The following STK39 variants were observed in gnomAD, a reference collection of about 807,000 sequenced individuals.
The protein encoded by STK39 is serine/threonine kinase 39.
Under a neutral mutation model 77.8 loss-of-function variants are expected in STK39, and 20 were observed. The ratio of observed to expected loss-of-function variants is 0.26; its 90% confidence interval spans 0.18 to 0.37. STK39 has a LOEUF of 0.37. Ranked by LOEUF, STK39 falls within the 10% of genes least tolerant of loss-of-function variation. STK39 has a pLI of 1.00. For synonymous variants in STK39, 246 were observed against 234.1 expected, an observed-to-expected ratio of 1.05 and a Z score of -0.47; for missense variants, 479 against 656.5, an observed-to-expected ratio of 0.73 and a Z score of 2.95.
intron 16 of STK39, among the ~76,000 whole-genome samples, chr2:167,967,274 A>G (rs922654330): frequency 1.3e-5 from 2 of 152,150 alleles, no homozygotes; most frequent in Non-Finnish European, 2.9e-5. Flanking sequence ...TCTTTGAACT[A>G]GTCCCTCCCT....
At chr2:168,142,345 AG>A (rs1231079663) in intron 5 of STK39, among the ~76,000 whole-genome samples, 1 of 152,168 alleles carries the variant, frequency 6.6e-6, no homozygotes, top group African/African-American at 2.4e-5. Flanking sequence ...ATTTCTAAAA[AG>A]AAGTTCAACG....
rs1034313302 is a variant in STK39 at position 167,954,786 on chromosome 2, A to C, written c.*710T>G. On this transcript the variant is annotated 3_prime_UTR_variant, in exon 18 of 18. Transcript: ENST00000355999. ...AGGCAAACAGACTAAAAGAATAAGC[A>C]TCCAAATTCCTAATTCAGTCATTTC... 1 of 152,646 alleles carries C rather than the reference A, an allele frequency of 6.6e-6. No individual in the cohort carries two copies. Among genetic ancestry groups the C allele is most frequent in the Middle Eastern group, 3.2e-3 (1 of 316 alleles). 9.5% of individuals were successfully genotyped at this position (152,646 alleles called of 1,614,324 possible).
At chr2:168,095,692 T>C (rs918580886) in intron 10 of STK39, among the ~76,000 whole-genome samples, 19 of 145,406 alleles carry the variant, frequency 1.3e-4, no homozygotes, top group Non-Finnish European at 1.6e-4. Context: ...AGTGGCGCGA[T>C]CTCAGCTCAC....
intron 10 of STK39, among the ~76,000 whole-genome samples, chr2:168,108,031 C>G (rs1302383551): frequency 6.6e-6 from 1 of 152,186 alleles, no homozygotes; most frequent in Admixed American, 6.5e-5. Context: ...TTCAAAAACC[C>G]TGGCAAAATT....
At position 167,954,095 on chromosome 2, in the gene STK39, A is replaced by G. The variant is rs558504646; in HGVS notation, c.*1401T>C. 2.0e-5 allele frequency: 3 copies of G among 152,678 alleles called. No homozygotes were observed. Among genetic ancestry groups the G allele is most frequent in the Non-Finnish European group, 4.4e-5 (3 of 68,048 alleles). 9.5% of individuals were successfully genotyped at this position (152,678 alleles called of 1,614,324 possible). On this transcript the variant is annotated 3_prime_UTR_variant, in exon 18 of 18. Transcript: ENST00000355999. The stretch of plus-strand genomic sequence containing the variant: ...CGAGTAATCGTTGTGTAAACAATAG[A>G]ATGGAATGAAATTACATTAAATTGT...
At chr2:168,048,222 T>G (rs1685296447) in intron 14 of STK39, among the ~76,000 whole-genome samples, 1 of 151,828 alleles carries the variant, frequency 6.6e-6, no homozygotes, top group Non-Finnish European at 1.5e-5. Context: ...TATGCTTTTT[T>G]TTTTTTTTGA....
At chr2:168,096,099 T>G (rs185111079) in intron 10 of STK39, among the ~76,000 whole-genome samples, 2 of 152,332 alleles carry the variant, frequency 1.3e-5, no homozygotes, top group African/African-American at 4.8e-5. Context: ...TTTTATATTT[T>G]CATACCACAC....
intron 10 of STK39, among the ~76,000 whole-genome samples, chr2:168,084,428 T>C (rs1686315796): frequency 6.6e-6 from 1 of 152,208 alleles, no homozygotes; most frequent in East Asian, 1.9e-4. Context: ...AAGCCCTTTC[T>C]GAATGCCTGA....
chr2:168,194,385 A>G (rs1689418513), intron 1 of STK39, among the ~76,000 whole-genome samples: 1 of 152,162 alleles, frequency 6.6e-6, no homozygotes, highest in Admixed American at 6.5e-5. Flanking sequence ...ACGCCACTGC[A>G]CTCCAGCCTG....
In STK39 at chr2:168,076,683, T is replaced by A. The variant is rs530308764; in HGVS notation, c.1090-1452A>T. 1.4e-4 allele frequency among the ~76,000 whole-genome samples: 22 copies of A among 152,306 alleles called. No homozygotes were observed. In the East Asian group the frequency reaches 4.2e-3, roughly 29 times the overall value. Reference sequence around the variant, plus strand: ...TAATTGCAAATAGTTATGCTCATTTTTTTTTAAAAAAAGCTTTTTTCTCCA... The same window carrying A: ...TAATTGCAAATAGTTATGCTCATTTATTTTTAAAAAAAGCTTTTTTCTCCA... On this transcript the variant is annotated intron_variant, in intron 10 of 17. Coordinates refer to ENST00000355999, the MANE Select transcript of STK39 (RefSeq NM_013233.3).
chr2:168,011,223 C>T (rs1280312659), intron 16 of STK39, among the ~76,000 whole-genome samples: 4 of 151,978 alleles, frequency 2.6e-5, no homozygotes, highest in South Asian at 2.1e-4. Flanking sequence ...TGCTTGGACA[C>T]GGGAGGCGGA....
At chr2:168,081,934 T>C (rs752865546) in intron 10 of STK39, among the ~76,000 whole-genome samples, 9 of 152,150 alleles carry the variant, frequency 5.9e-5, no homozygotes, top group Non-Finnish European at 1.3e-4. Context: ...GAGGCCTCCC[T>C]AGCCACATGG....
intron 1 of STK39, among the ~76,000 whole-genome samples, chr2:168,227,505 T>C (rs1011803996): frequency 3.3e-5 from 5 of 152,292 alleles, no homozygotes; most frequent in African/African-American, 1.2e-4. Flanking sequence ...AGATACCACA[T>C]ATTTAATTCA....
intron 1 of STK39, among the ~76,000 whole-genome samples, chr2:168,236,118 T>A (rs1690600098): frequency 6.6e-6 from 1 of 152,024 alleles, no homozygotes; most frequent in Non-Finnish European, 1.5e-5. Context: ...CAGCACCTGT[T>A]GTTTCCTGAC....
chr2:168,219,995 C>CG (rs1690125256), intron 1 of STK39, among the ~76,000 whole-genome samples: 1 of 151,752 alleles, frequency 6.6e-6, no homozygotes, highest in South Asian at 2.1e-4. Flanking sequence ...AGGTACTGTC[C>CG]AAGGAAAGAG....
At chr2:167,967,253 T>C (rs548625191) in intron 16 of STK39, among the ~76,000 whole-genome samples, 274 of 152,320 alleles carry the variant, frequency 1.8e-3, no homozygotes, top group Non-Finnish European at 2.7e-3. Flanking sequence ...GCAGCAGACA[T>C]TGTGCTATCT....
intron 14 of STK39, among the ~76,000 whole-genome samples, chr2:168,019,306 C>A (rs994171852): frequency 3.3e-5 from 5 of 152,218 alleles, no homozygotes; most frequent in African/African-American, 1.2e-4. Context: ...AGACCACATT[C>A]ACATATCCTT....
chr2:168,172,052 G>A (rs950080065), intron 2 of STK39, among the ~76,000 whole-genome samples: 1 of 152,162 alleles, frequency 6.6e-6, no homozygotes, highest in Non-Finnish European at 1.5e-5. Context: ...ACAACTTTGA[G>A]CCTCAGTTTC....
chr2:168,206,887 A>G (rs751505683), intron 1 of STK39, among the ~76,000 whole-genome samples: 3 of 152,222 alleles, frequency 2.0e-5, no homozygotes, highest in Non-Finnish European at 4.4e-5. Flanking sequence ...TGCTTCTTAT[A>G]ATACCCTGAG....
Sources: gnomAD v4.1 joint callset for allele counts (sites outside exome capture counted in the v4.1 genomes callset) on GRCh38, gnomAD v4.1.1 for gene constraint, MANE v1.5 for transcripts, NCBI Gene and HGNC (gene_info 2026-07-23, HGNC 2026-07-21) for gene names.